The following C1orf21 variants were observed in gnomAD, a reference collection of about 807,000 sequenced individuals.
C1orf21 encodes the protein chromosome 1 open reading frame 21, also known as uncharacterized protein C1orf21.
A neutral mutation model predicts 18.7 loss-of-function variants in C1orf21; 3 were observed. That is an observed-to-expected ratio of 0.16 (90% CI 0.07 to 0.42). C1orf21 has a LOEUF of 0.42. Ranked by LOEUF, C1orf21 falls within the 10% of genes least tolerant of loss-of-function variation. The pLI, the probability that C1orf21 is intolerant of heterozygous loss-of-function variation, is 0.99. For synonymous variants in C1orf21, 41 were observed against 46.4 expected (o/e 0.88, Z 0.47); for missense variants, 104 against 143.6 (o/e 0.72, Z 1.41).
At chr1:184,562,974 G>C (rs576804237) in intron 3 of C1orf21, among the ~76,000 whole-genome samples, 1 of 152,184 alleles carries the variant, frequency 6.6e-6, no homozygotes. Context: ...AGTTGTGTCA[G>C]TTCAGCATAA....
intron 2 of C1orf21, among the ~76,000 whole-genome samples, chr1:184,501,630 G>A (rs1306395242): frequency 1.3e-5 from 2 of 152,134 alleles, no homozygotes; most frequent in African/African-American, 4.8e-5. Context: ...ATATTCCCAG[G>A]GCTGAGTGTT....
chr1:184,501,082 G>A (rs1016716645), intron 2 of C1orf21, among the ~76,000 whole-genome samples: 4 of 152,180 alleles, frequency 2.6e-5, no homozygotes, highest in Non-Finnish European at 5.9e-5. Context: ...GATTAAGCTG[G>A]TTAGGAGTCT....
In C1orf21 at chr1:184,484,884, CTGTGTGTGTGTG is replaced by C. The variant is rs3034460; in HGVS notation, c.94+7308_94+7319del. On this transcript the variant is annotated intron_variant, in intron 2 of 5. Transcript: ENST00000235307. ...GAGAGCATATAACAGATGCTTGTGG[CTGTGTGTGTGTG>C]TGTGTGTGTGTGTGTGTGTGTGTGT... 2.8e-3 allele frequency among the ~76,000 whole-genome samples: 410 copies of C among 146,090 alleles called. 4 individuals are homozygous for C. Among genetic ancestry groups the C allele is most frequent in the Middle Eastern group, 6.9e-3 (2 of 288 alleles).
At chr1:184,599,122 A>G (rs1659554542) in intron 5 of C1orf21, among the ~76,000 whole-genome samples, 1 of 152,192 alleles carries the variant, frequency 6.6e-6, no homozygotes, top group South Asian at 2.1e-4. Context: ...GAGTTTACAT[A>G]CTTACAGAAT....
At chr1:184,471,971 A>T (rs572895351) in intron 1 of C1orf21, among the ~76,000 whole-genome samples, 1 of 152,104 alleles carries the variant, frequency 6.6e-6, no homozygotes, top group Non-Finnish European at 1.5e-5. Flanking sequence ...AACGTTCACA[A>T]TGAAATGTGA....
intron 2 of C1orf21, among the ~76,000 whole-genome samples, chr1:184,503,183 T>C (rs1658004018): frequency 6.6e-6 from 1 of 151,770 alleles, no homozygotes; most frequent in Admixed American, 6.6e-5. Context: ...ACTGAGAATA[T>C]TTTATACTAA....
At chr1:184,526,915 G>A (rs183498305) in intron 3 of C1orf21, among the ~76,000 whole-genome samples, 45 of 152,232 alleles carry the variant, frequency 3.0e-4, no homozygotes, top group Non-Finnish European at 5.3e-4. Flanking sequence ...CCGTCCTTAA[G>A]GGGCTCACTG....
At chr1:184,500,608 A>G (rs929541275) in intron 2 of C1orf21, among the ~76,000 whole-genome samples, 2 of 152,160 alleles carry the variant, frequency 1.3e-5, no homozygotes, top group Non-Finnish European at 2.9e-5. Context: ...TCTATACTCA[A>G]TCTCCACAGC....
chr1:184,618,012 C>A (rs747382861), intron 5 of C1orf21, among the ~76,000 whole-genome samples: 1 of 148,246 alleles, frequency 6.7e-6, no homozygotes, highest in Non-Finnish European at 1.5e-5. Context: ...CAGGTTCAAG[C>A]GATTCTCCTG....
At chr1:184,414,191 G>A (rs1183807007) in intron 1 of C1orf21, among the ~76,000 whole-genome samples, 2 of 152,106 alleles carry the variant, frequency 1.3e-5, no homozygotes, top group Non-Finnish European at 2.9e-5. Context: ...GAGTGGTGGG[G>A]TACAACCATG....
chr1:184,592,147 G>A (rs931529519), intron 4 of C1orf21: 4 of 152,082 alleles, frequency 2.6e-5, no homozygotes, highest in African/African-American at 7.2e-5. Context: ...CTTAATCTGG[G>A]TGGTAATTAC....
intron 2 of C1orf21, among the ~76,000 whole-genome samples, chr1:184,489,306 G>C (rs1208616120): frequency 6.6e-6 from 1 of 152,042 alleles, no homozygotes; most frequent in Non-Finnish European, 1.5e-5. Flanking sequence ...CAATTCAAAA[G>C]AGAAAAAATA....
chr1:184,542,425 A>G (rs1156269279), intron 3 of C1orf21: 1 of 152,260 alleles, frequency 6.6e-6, no homozygotes, highest in African/African-American at 2.4e-5. Context: ...TGCAGTAGCC[A>G]GAATGACCCA....
At chr1:184,475,480 A>G (rs1657555387) in intron 1 of C1orf21, among the ~76,000 whole-genome samples, 1 of 152,104 alleles carries the variant, frequency 6.6e-6, no homozygotes, top group Admixed American at 6.6e-5. Flanking sequence ...TTTCTACCAA[A>G]CCTTTGATAC....
intron 1 of C1orf21, among the ~76,000 whole-genome samples, chr1:184,388,800 T>C (rs1655927274): frequency 6.6e-6 from 1 of 152,116 alleles, no homozygotes; most frequent in African/African-American, 2.4e-5. Flanking sequence ...GAAACAAACA[T>C]AGGTGGAGTG....
intron 3 of C1orf21, chr1:184,566,834 T>A: frequency 2.1e-6 from 1 of 481,046 alleles, no homozygotes. Flanking sequence ...AAGACTAGAG[T>A]CTCACATCCA....
chr1:184,515,282 T>A (rs1263012226), intron 3 of C1orf21, among the ~76,000 whole-genome samples: 1 of 152,204 alleles, frequency 6.6e-6, no homozygotes, highest in Admixed American at 6.5e-5. Context: ...ATGAGTATAT[T>A]ATCTGTGTGC....
At position 184,459,672 on chromosome 1, in the gene C1orf21, A is replaced by G. The variant is rs114576501; in HGVS notation, c.-124-17714A>G. On this transcript the variant is annotated intron_variant, in intron 1 of 5. Transcript: ENST00000235307. The stretch of plus-strand genomic sequence containing the variant: ...TGGGGGTAGATTATCTAAAAAGTGA[A>G]TAAGAGAGAGCCCCTGCTTTTGTCA... Among the ~76,000 whole-genome samples, 389 of 152,276 alleles carry G rather than the reference A, an allele frequency of 2.6e-3. 4 individuals are homozygous for G. Among genetic ancestry groups the G allele is most frequent in the African/African-American group, 8.9e-3 (370 of 41,550 alleles).
At chr1:184,595,990 G>C (rs1402632629) in intron 4 of C1orf21, among the ~76,000 whole-genome samples, 1 of 152,160 alleles carries the variant, frequency 6.6e-6, no homozygotes, top group African/African-American at 2.4e-5. Context: ...TTTTGTGGTT[G>C]CTTTCCTACA....
Sources: gnomAD v4.1 joint callset for allele counts (sites outside exome capture counted in the v4.1 genomes callset) on GRCh38, gnomAD v4.1.1 for gene constraint, MANE v1.5 for transcripts, NCBI Gene and HGNC (gene_info 2026-07-23, HGNC 2026-07-21) for gene names.